The following RHOT1 variants were observed in gnomAD, a reference collection of about 807,000 sequenced individuals.
The protein encoded by RHOT1 is mitochondrial Rho GTPase 1.
Under a neutral mutation model 95.3 loss-of-function variants are expected in RHOT1, and 27 were observed. The ratio of observed to expected loss-of-function variants is 0.28; its 90% confidence interval spans 0.21 to 0.39. The LOEUF (loss-of-function observed/expected upper bound fraction) is 0.39. Among genes scored for constraint, RHOT1 ranks in the 10% least tolerant of loss-of-function variants. The pLI is 1.00. For missense variants in RHOT1, 578 were observed against 786.7 expected (o/e 0.73, Z 3.17); for synonymous variants, 227 against 263.5 (o/e 0.86, Z 1.34).
At chr17:32,202,357 A>G (rs1290446638) in intron 14 of RHOT1, among the ~76,000 whole-genome samples, 1 of 152,212 alleles carries the variant, frequency 6.6e-6, no homozygotes, top group East Asian at 1.9e-4. Flanking sequence ...ATCCAGCTCC[A>G]AGAGAGTGCA....
At chr17:32,206,335 A>G (rs2037733402) in intron 16 of RHOT1, among the ~76,000 whole-genome samples, 1 of 149,430 alleles carries the variant, frequency 6.7e-6, no homozygotes. Flanking sequence ...CCTCCCCAGT[A>G]GCTGGGACTA....
intron 6 of RHOT1, among the ~76,000 whole-genome samples, chr17:32,181,604 T>C (rs1022637788): frequency 1.3e-4 from 20 of 152,238 alleles, no homozygotes; most frequent in African/African-American, 4.6e-4. Context: ...ACATACCTGT[T>C]ATCCAGCTTC....
chr17:32,216,194 T>G (rs1045586101), intron 19 of RHOT1, among the ~76,000 whole-genome samples: 4 of 152,150 alleles, frequency 2.6e-5, no homozygotes, highest in African/African-American at 7.2e-5. Context: ...TATCGTGAAC[T>G]TTAATTTGTC....
intron 19 of RHOT1, 149 bp from the exon 20 acceptor site, chr17:32,224,467 A>C: frequency 2.1e-6 from 1 of 472,460 alleles, no homozygotes; most frequent in Non-Finnish European, 3.8e-6. Flanking sequence ...ATATATGGCT[A>C]TATTGATCAA....
chr17:32,189,327 C>T (rs2036291416), intron 8 of RHOT1, among the ~76,000 whole-genome samples: 2 of 151,962 alleles, frequency 1.3e-5, no homozygotes, highest in Non-Finnish European at 2.9e-5. Flanking sequence ...CAAAAAACAA[C>T]AAAAAAACAC....
Position 32,208,208 on chromosome 17 carries a change from C to T in RHOT1, c.1638C>T (p.Cys546=), listed in dbSNP as rs753171397. ...ACAGTATTTCACCTACTGATTTCTGCAGGAAACACAAAATGCCTCCACCAC... is the reference window on the plus strand; with the variant it reads ...ACAGTATTTCACCTACTGATTTCTGTAGGAAACACAAAATGCCTCCACCAC... ...QEYSISPTDF[C]RKHKMPPPQA... is the part of the protein sequence containing the mutation. The change falls in exon 18 of 20, where the codon TGC becomes TGT. Residue 546 remains cysteine, a synonymous_variant. Coordinates refer to ENST00000545287, the MANE Select transcript of RHOT1 (RefSeq NM_001033566.3). The T allele has an allele frequency of 6.2e-7, 1 of 1,614,040 alleles. No individual in the cohort carries two copies. The highest frequency in any genetic ancestry group is 1.1e-5 in the South Asian group (1 of 91,076).
At chr17:32,151,023 G>T (rs1190526036) in intron 1 of RHOT1, 20 of 1,458,992 alleles carry the variant, frequency 1.4e-5, no homozygotes, top group Middle Eastern at 1.8e-4. Context: ...ACCTGGGAGT[G>T]GGGGAAGAGG....
chr17:32,174,011 T>C (rs2034794248), intron 3 of RHOT1, 99 bp downstream of exon 3: 2 of 847,934 alleles, frequency 2.4e-6, no homozygotes, highest in South Asian at 3.0e-5. Context: ...GAGGTGGTCT[T>C]TTCTCTGTAG....
intron 8 of RHOT1, among the ~76,000 whole-genome samples, chr17:32,189,649 A>G (rs745412461): frequency 3.9e-5 from 6 of 152,020 alleles, no homozygotes; most frequent in Non-Finnish European, 1.5e-5. Flanking sequence ...CTTTTAAACT[A>G]TACCTTGTTT....
At chr17:32,190,317 T>C (rs35438131) in intron 8 of RHOT1, among the ~76,000 whole-genome samples, 2 of 151,910 alleles carry the variant, frequency 1.3e-5, no homozygotes, top group Non-Finnish European at 2.9e-5. Context: ...TAGCTGGGCA[T>C]GGTGGCAGGT....
At chr17:32,186,147 A>G (rs1273084399) in intron 8 of RHOT1, among the ~76,000 whole-genome samples, 1 of 152,178 alleles carries the variant, frequency 6.6e-6, no homozygotes, top group Non-Finnish European at 1.5e-5. Flanking sequence ...CATTCCCACC[A>G]GCAGTGTATG....
intron 18 of RHOT1, chr17:32,208,529 A>G: frequency 1.9e-6 from 1 of 537,656 alleles, no homozygotes; most frequent in Non-Finnish European, 3.4e-6. Flanking sequence ...ATTTTTGAGC[A>G]GGCTGTAACT....
intron 2 of RHOT1, 95 bp from the exon 3 acceptor site, chr17:32,173,732 ACACT>A: frequency 2.4e-6 from 2 of 830,194 alleles, no homozygotes; most frequent in African/African-American, 1.8e-5. Flanking sequence ...AAGAAAAGAA[ACACT>A]CAACCTGTGT....
chr17:32,181,823 G>A (rs1406364653), intron 6 of RHOT1, among the ~76,000 whole-genome samples: 1 of 152,176 alleles, frequency 6.6e-6, no homozygotes, highest in Non-Finnish European at 1.5e-5. Flanking sequence ...ACTGCAGCTT[G>A]TAAGTCCTTA....
chr17:32,200,875 G>T, intron 13 of RHOT1, 81 bp from the exon 14 acceptor site: 3 of 996,036 alleles, frequency 3.0e-6, no homozygotes, highest in Non-Finnish European at 4.7e-6. Flanking sequence ...GGTGCATAAA[G>T]TTTTTTTAGC....
At chr17:32,145,948 C>T (rs1008528159) in intron 1 of RHOT1, among the ~76,000 whole-genome samples, 6 of 152,138 alleles carry the variant, frequency 3.9e-5, no homozygotes, top group South Asian at 2.1e-4. Flanking sequence ...CCCAGGAGTT[C>T]GGGGCTGCTG....
intron 8 of RHOT1, among the ~76,000 whole-genome samples, chr17:32,188,404 CA>C (rs1168117550): frequency 6.6e-6 from 1 of 152,128 alleles, no homozygotes; most frequent in Non-Finnish European, 1.5e-5. Context: ...TGCTAAAAGG[CA>C]AACATCAAGA....
chr17:32,173,746 T>G, intron 2 of RHOT1, 85 bp from the exon 3 acceptor site: 1 of 898,758 alleles, frequency 1.1e-6, no homozygotes, highest in Non-Finnish European at 1.8e-6. Flanking sequence ...TCAACCTGTG[T>G]AGATAAATTT....
At chr17:32,167,878 T>C (rs1346300967) in intron 1 of RHOT1, among the ~76,000 whole-genome samples, 1 of 151,938 alleles carries the variant, frequency 6.6e-6, no homozygotes, top group East Asian at 1.9e-4. Flanking sequence ...GTACAAAGAA[T>C]TAAAAAATTC....
Sources: gnomAD v4.1 joint callset for allele counts (sites outside exome capture counted in the v4.1 genomes callset) on GRCh38, gnomAD v4.1.1 for gene constraint, MANE v1.5 for transcripts, NCBI Gene and HGNC (gene_info 2026-07-23, HGNC 2026-07-21) for gene names.